Variants in SMYD3 observed in about 807,000 individuals in gnomAD.
SMYD3 encodes the protein SET and MYND domain containing 3.
In SMYD3, 36 loss-of-function variants were observed where a neutral mutation model predicts 57.7. That is an observed-to-expected ratio of 0.62 (90% CI 0.48 to 0.82). SMYD3 has a LOEUF of 0.82. Among genes scored for constraint, SMYD3 ranks in the 40% least tolerant of loss-of-function variants. The pLI is 0.00. For missense variants in SMYD3, 515 were observed against 538.8 expected (o/e 0.96, Z 0.44); for synonymous variants, 211 against 195.0 (o/e 1.08, Z -0.68).
chr1:246,207,902 G>A (rs2063025925), intron 5 of SMYD3, among the ~76,000 whole-genome samples: 1 of 147,962 alleles, frequency 6.8e-6, no homozygotes. Flanking sequence ...AATAACCTGG[G>A]GAGCAGTAAA....
chr1:246,378,298 T>C (rs1305360429), intron 1 of SMYD3, among the ~76,000 whole-genome samples: 1 of 152,144 alleles, frequency 6.6e-6, no homozygotes, highest in Non-Finnish European at 1.5e-5. Context: ...TTGATTGGAT[T>C]GAAGGATTGA....
intron 10 of SMYD3, among the ~76,000 whole-genome samples, chr1:245,806,520 C>T (rs2048149970): frequency 6.6e-6 from 1 of 152,176 alleles, no homozygotes; most frequent in Non-Finnish European, 1.5e-5. Flanking sequence ...CTGAACCCTT[C>T]CTTGCTATGC....
intron 5 of SMYD3, among the ~76,000 whole-genome samples, chr1:246,248,299 T>C (rs2148492430): frequency 6.6e-6 from 1 of 152,158 alleles, no homozygotes; most frequent in South Asian, 2.1e-4. Flanking sequence ...ACAAGAGAAG[T>C]CTTCACAAAA....
At chr1:246,215,637 G>A (rs10924558) in intron 5 of SMYD3, among the ~76,000 whole-genome samples, 23,264 of 152,074 alleles carry the variant, frequency 0.15, 2,385 homozygotes, top group East Asian at 0.34. Context: ...AGTGGCCATC[G>A]TTCTCTGTCC....
At chr1:246,185,319 C>T (rs1488368319) in intron 5 of SMYD3, among the ~76,000 whole-genome samples, 1 of 151,932 alleles carries the variant, frequency 6.6e-6, no homozygotes, top group East Asian at 1.9e-4. Context: ...CTACTGCAAC[C>T]TCCGCCTCCC....
intron 5 of SMYD3, among the ~76,000 whole-genome samples, chr1:246,217,139 T>G (rs2063176985): frequency 1.3e-5 from 2 of 152,146 alleles, no homozygotes; most frequent in Non-Finnish European, 2.9e-5. Context: ...TAAATTTATA[T>G]TATCTTTGTG....
At chr1:245,966,257 G>A (rs756545480) in intron 5 of SMYD3, among the ~76,000 whole-genome samples, 2 of 151,906 alleles carry the variant, frequency 1.3e-5, no homozygotes, top group African/African-American at 2.4e-5. Context: ...CTGTAACCTC[G>A]AATTCCTAGG....
chr1:246,000,554 G>A (rs1181272461), intron 5 of SMYD3, among the ~76,000 whole-genome samples: 1 of 152,190 alleles, frequency 6.6e-6, no homozygotes, highest in Middle Eastern at 3.4e-3. Flanking sequence ...ACCTTCTCCA[G>A]ACTCTAAAAA....
chr1:245,921,494 G>C (rs372228431), intron 7 of SMYD3, among the ~76,000 whole-genome samples: 1 of 150,476 alleles, frequency 6.6e-6, no homozygotes, highest in African/African-American at 2.4e-5. Flanking sequence ...ATTCACAATA[G>C]CAAAGAAATA....
intron 1 of SMYD3, among the ~76,000 whole-genome samples, chr1:246,480,176 G>A (rs1467736344): frequency 6.6e-6 from 1 of 152,112 alleles, no homozygotes; most frequent in Non-Finnish European, 1.5e-5. Context: ...CATTCACAGA[G>A]TTGTGTCTGC....
intron 1 of SMYD3, among the ~76,000 whole-genome samples, chr1:246,420,978 A>G (rs374557423): frequency 6.6e-6 from 1 of 152,196 alleles, no homozygotes; most frequent in African/African-American, 2.4e-5. Context: ...ATAGCCTTGT[A>G]AAAGTATAAT....
intron 2 of SMYD3, among the ~76,000 whole-genome samples, chr1:246,338,995 AATTCCATG>A (rs1323861299): frequency 6.6e-6 from 1 of 151,668 alleles, no homozygotes; most frequent in Non-Finnish European, 1.5e-5. Context: ...TGTCCAACCA[AATTCCATG>A]ACGGTGGAAA....
rs757626565 is a variant in SMYD3 at position 246,219,790 on chromosome 1, A to G, written c.531+107411T>C. Among the ~76,000 whole-genome samples, 7 of 152,186 alleles carry G rather than the reference A, an allele frequency of 4.6e-5. No individual in the cohort carries two copies. The South Asian group carries it at 1.5e-3, about 32-fold the overall frequency. On this transcript the variant is annotated intron_variant, in intron 5 of 11. Coordinates refer to ENST00000490107, the MANE Select transcript of SMYD3 (RefSeq NM_001167740.2). ...ACAGAGTTGGCTCCTGCCAGCAACC[A>G]AAAAACACTCACCCAGGCTCCTGCA...
chr1:246,447,029 C>CAA (rs57473890), intron 1 of SMYD3, among the ~76,000 whole-genome samples: 19 of 109,132 alleles, frequency 1.7e-4, no homozygotes, highest in South Asian at 6.2e-4. Context: ...ACTCCGTCTC[C>CAA]AAAAAAAAAA....
At chr1:246,365,115 C>A (rs1055685626) in intron 1 of SMYD3, among the ~76,000 whole-genome samples, 1 of 152,060 alleles carries the variant, frequency 6.6e-6, no homozygotes, top group African/African-American at 2.4e-5. Context: ...GTCTCAAAAT[C>A]TATAAAGTAT....
chr1:246,239,495 G>A (rs927040017), intron 5 of SMYD3, among the ~76,000 whole-genome samples: 6 of 151,410 alleles, frequency 4.0e-5, no homozygotes, highest in Non-Finnish European at 8.9e-5. Flanking sequence ...TCCAGTCTAT[G>A]GACACTTGGG....
chr1:245,977,049 G>GGCCTAGGGAAAGCCATCGTCTCTA lies in SMYD3; in HGVS notation c.532-47113_532-47112insTAGAGACGATGGCTTTCCCTAGGC, dbSNP rs1558551464. Among the ~76,000 whole-genome samples, 14 of 10,038 alleles carry GGCCTAGGGAAAGCCATCGTCTCTA rather than the reference G, an allele frequency of 1.4e-3. 4 individuals are homozygous for GGCCTAGGGAAAGCCATCGTCTCTA. The highest frequency in any genetic ancestry group is 1.8e-3 in the Non-Finnish European group (4 of 2,254). The allele number at this position is 10,038 out of a possible 152,430, so 6.6% of individuals were successfully genotyped here. A position where few individuals can be genotyped will look rare whatever the true frequency, so the allele number is the denominator to read the frequency against. ...TAGCCCAGGGAAAGCCATCGTCTCC[G>GGCCTAGGGAAAGCCATCGTCTCTA]GCCCAGGGAAAGCCATCGTCTCTAG... On this transcript the variant is annotated intron_variant, in intron 5 of 11. Transcript: ENST00000490107.
chr1:246,408,663 C>CTTTTTTTTTTTT (rs5782392), intron 1 of SMYD3, among the ~76,000 whole-genome samples: 1 of 65,520 alleles, frequency 1.5e-5, no homozygotes, highest in Non-Finnish European at 2.8e-5. Context: ...AGAAGCAAGT[C>CTTTTTTTTTTTT]TTTTTTTTTT....
chr1:246,372,958 T>C (rs2066215758), intron 1 of SMYD3, among the ~76,000 whole-genome samples: 1 of 152,212 alleles, frequency 6.6e-6, no homozygotes, highest in Admixed American at 6.6e-5. Flanking sequence ...GCCTGGCTGC[T>C]TCATTTACTG....
Sources: gnomAD v4.1 joint callset for allele counts (sites outside exome capture counted in the v4.1 genomes callset) on GRCh38, gnomAD v4.1.1 for gene constraint, MANE v1.5 for transcripts, NCBI Gene and HGNC (gene_info 2026-07-23, HGNC 2026-07-21) for gene names.